Variants in CNGA3 observed in about 807,000 individuals in gnomAD.
CNGA3 encodes the protein cyclic nucleotide gated channel subunit alpha 3.
CNGA3 carries 42 observed loss-of-function variants against 46.6 expected under a neutral mutation model. That is an observed-to-expected ratio of 0.90 (90% CI 0.70 to 1.17). CNGA3 has a LOEUF of 1.17. Ranked by LOEUF, CNGA3 falls within the 50% of genes most tolerant of loss-of-function variation. CNGA3 has a pLI of 0.00. For missense variants in CNGA3, 893 were observed against 890.7 expected (o/e 1.00, Z -0.03); for synonymous variants, 394 against 369.4 (o/e 1.07, Z -0.76).
intron 5 of CNGA3, among the ~76,000 whole-genome samples, chr2:98,388,455 C>T (rs1296223597): frequency 4.6e-5 from 7 of 152,114 alleles, no homozygotes; most frequent in Non-Finnish European, 8.8e-5. Context: ...TAGCTTCGGC[C>T]CTGGAGGGGA....
chr2:98,395,715 T>C lies in CNGA3; in HGVS notation c.674-129T>C, dbSNP rs1019383714. The C allele has an allele frequency of 9.3e-6, 7 of 753,090 alleles. No individual in the cohort carries two copies. The African/African-American group carries it at 1.0e-4, about 11-fold the overall frequency. The allele number at this position is 753,090 out of a possible 1,614,324, so 46.7% of individuals were successfully genotyped here. A position where few individuals can be genotyped will look rare whatever the true frequency, so the allele number is the denominator to read the frequency against. ...CCTGTAGTAATGGTAAGTGTTGTTTTTGAAATCATTTCTATTATATATGTA... is the reference window on the plus strand; with the variant it reads ...CCTGTAGTAATGGTAAGTGTTGTTTCTGAAATCATTTCTATTATATATGTA... On this transcript the variant is annotated intron_variant, in intron 7 of 7. Coordinates refer to ENST00000272602, the MANE Select transcript of CNGA3 (RefSeq NM_001298.3).
intron 7 of CNGA3, among the ~76,000 whole-genome samples, chr2:98,393,091 C>G (rs1361313194): frequency 6.6e-6 from 1 of 152,100 alleles, no homozygotes; most frequent in Non-Finnish European, 1.5e-5. Context: ...CATAGCAAGA[C>G]CTTGTCTCTA....
At chr2:98,370,878 C>A (rs1394872347) in intron 2 of CNGA3, among the ~76,000 whole-genome samples, 1 of 152,200 alleles carries the variant, frequency 6.6e-6, no homozygotes, top group African/African-American at 2.4e-5. Context: ...GTCACCCAGA[C>A]TGGAGTGCAG....
At chr2:98,355,066 A>T (rs1172831386) in intron 1 of CNGA3, among the ~76,000 whole-genome samples, 1 of 152,164 alleles carries the variant, frequency 6.6e-6, no homozygotes, top group Non-Finnish European at 1.5e-5. Context: ...TCATGAGATG[A>T]TTATGAGGTC....
rs775253368 is a variant in CNGA3 at position 98,380,225 on chromosome 2, A to G, written c.266A>G (p.His89Arg). 1 of 1,614,036 alleles carries G rather than the reference A, an allele frequency of 6.2e-7. No homozygotes were observed. The highest frequency in any genetic ancestry group is 2.2e-5 in the East Asian group (1 of 44,888). ...CGCAGGTGGGCTGCCAGGCATGTGC[A>G]CCACCAGGACCAGGGACCGGACTCT... is the stretch of plus-strand genomic sequence containing the variant. Reference protein sequence around the residue: ...LLRRWAARHVHHQDQGPDSFP... With the variant: ...LLRRWAARHVRHQDQGPDSFP... Residue 89 changes from histidine to arginine, a missense_variant, in exon 4 of 8, where the codon CAC becomes CGC. Coordinates refer to ENST00000272602, the MANE Select transcript of CNGA3 (RefSeq NM_001298.3).
At chr2:98,371,757 T>C (rs1260572585) in intron 2 of CNGA3, among the ~76,000 whole-genome samples, 2 of 152,242 alleles carry the variant, frequency 1.3e-5, no homozygotes, top group African/African-American at 2.4e-5. Flanking sequence ...TATTAGGACC[T>C]TGAAACGTCT....
At chr2:98,375,958 C>T (rs753110116) in intron 2 of CNGA3, among the ~76,000 whole-genome samples, 127 of 152,088 alleles carry the variant, frequency 8.4e-4, no homozygotes, top group Non-Finnish European at 1.4e-3. Flanking sequence ...ATGTATGTGG[C>T]TGGCATACAG....
chr2:98,398,320 T>C lies in CNGA3; in HGVS notation c.*1065T>C, dbSNP rs1692972103. 2 of 152,224 alleles carry C rather than the reference T, an allele frequency of 1.3e-5. No individual in the cohort carries two copies. The highest frequency in any genetic ancestry group is 2.9e-5 in the Non-Finnish European group (2 of 68,036). The allele number at this position is 152,224 out of a possible 1,614,324, so 9.4% of individuals were successfully genotyped here. On this transcript the variant is annotated 3_prime_UTR_variant, in exon 8 of 8. Transcript: ENST00000272602. ...AGTAAATATAATTTCATTAACATTT[T>C]ATAACAGATTTATATTTTTGAGTTC... is the stretch of plus-strand genomic sequence containing the variant.
intron 1 of CNGA3, among the ~76,000 whole-genome samples, chr2:98,353,180 C>T (rs1284314817): frequency 6.6e-5 from 10 of 152,060 alleles, no homozygotes; most frequent in Non-Finnish European, 1.5e-4. Context: ...GAAAGAAAAA[C>T]ATATAGAAGT....
intron 3 of CNGA3, 21 bp from the exon 4 acceptor site, chr2:98,380,154 A>G: frequency 6.2e-7 from 1 of 1,613,762 alleles, no homozygotes; most frequent in Non-Finnish European, 8.5e-7. Flanking sequence ...CCTCTGGCTC[A>G]GTGCTTGTGT....
chr2:98,390,847 T>C (rs568892468), intron 6 of CNGA3, among the ~76,000 whole-genome samples: 2 of 152,320 alleles, frequency 1.3e-5, no homozygotes, highest in African/African-American at 2.4e-5. Flanking sequence ...CTTAGGGGAC[T>C]TCCCAAGCAA....
chr2:98,351,118 G>A (rs1002159925), intron 1 of CNGA3: 4 of 152,234 alleles, frequency 2.6e-5, no homozygotes, highest in Non-Finnish European at 4.4e-5. Flanking sequence ...GATGGAGGAA[G>A]CTTTAATACT....
chr2:98,374,103 T>C (rs1692351606), intron 2 of CNGA3, among the ~76,000 whole-genome samples: 1 of 152,190 alleles, frequency 6.6e-6, no homozygotes, highest in Non-Finnish European at 1.5e-5. Flanking sequence ...CTGTTTACTC[T>C]CATGTCCCCA....
chr2:98,374,481 G>T (rs1692360611), intron 2 of CNGA3, among the ~76,000 whole-genome samples: 1 of 152,194 alleles, frequency 6.6e-6, no homozygotes, highest in Non-Finnish European at 1.5e-5. Context: ...GTCCTGTAAA[G>T]CCATTGCCCC....
chr2:98,388,336 A>T (rs948371259), intron 5 of CNGA3, among the ~76,000 whole-genome samples: 3 of 152,262 alleles, frequency 2.0e-5, no homozygotes, highest in African/African-American at 7.2e-5. Flanking sequence ...AGGAGGAAGT[A>T]CTGAAGGAAG....
In CNGA3 at chr2:98,383,453, C is replaced by T. The variant is rs1692581992; in HGVS notation, c.449+12C>T. 1 of 1,614,164 alleles carries T rather than the reference C, an allele frequency of 6.2e-7. No individual in the cohort carries two copies. Among genetic ancestry groups the T allele is most frequent in the Non-Finnish European group, 8.5e-7 (1 of 1,180,018 alleles). The stretch of plus-strand genomic sequence containing the variant: ...AACACGGAGGAGGAGTAAGTACCCA[C>T]ACACCCAGCAGAGCCCTCCCCAAGC... On this transcript the variant is annotated intron_variant, in intron 5 of 7. Coordinates refer to ENST00000272602, the MANE Select transcript of CNGA3 (RefSeq NM_001298.3).
intron 1 of CNGA3, among the ~76,000 whole-genome samples, chr2:98,366,299 G>A (rs771567104): frequency 4.6e-5 from 7 of 152,164 alleles, no homozygotes; most frequent in Non-Finnish European, 7.3e-5. Context: ...TCAAAGGGGC[G>A]CTGACCTGAT....
intron 1 of CNGA3, among the ~76,000 whole-genome samples, chr2:98,366,587 T>A (rs1480849929): frequency 6.6e-6 from 1 of 152,222 alleles, no homozygotes; most frequent in African/African-American, 2.4e-5. Flanking sequence ...TGGCTGGGGT[T>A]GCTGAAATTC....
intron 1 of CNGA3, among the ~76,000 whole-genome samples, chr2:98,358,629 G>A (rs1157917055): frequency 6.6e-6 from 1 of 152,288 alleles, no homozygotes; most frequent in Admixed American, 6.5e-5. Context: ...AAAAACTTTA[G>A]AGGTAAAAAT....
Sources: gnomAD v4.1 joint callset for allele counts (sites outside exome capture counted in the v4.1 genomes callset) on GRCh38, gnomAD v4.1.1 for gene constraint, MANE v1.5 for transcripts, NCBI Gene and HGNC (gene_info 2026-07-23, HGNC 2026-07-21) for gene names.